Variants in KIF2C observed in about 807,000 individuals in gnomAD.
The protein encoded by KIF2C is kinesin-like protein KIF2C.
KIF2C carries 34 observed loss-of-function variants against 97.4 expected under a neutral mutation model. That is an observed-to-expected ratio of 0.35 (90% confidence interval 0.27 to 0.46). The LOEUF is 0.46. KIF2C is among the 20% of genes least tolerant of loss of function. The pLI is 1.00. For missense variants in KIF2C, 750 were observed against 907.6 expected (o/e 0.83, Z 2.23); for synonymous variants, 313 against 318.2 (o/e 0.98, Z 0.17).
At chr1:44,763,762 G>A (rs566255613) in intron 19 of KIF2C, among the ~76,000 whole-genome samples, 7 of 152,302 alleles carry the variant, frequency 4.6e-5, no homozygotes, top group South Asian at 2.1e-4. Flanking sequence ...CCAGCCAGGC[G>A]CGGTGGCTCA....
Position 44,760,240 on chromosome 1 carries a change from G to A in KIF2C, c.1368-40G>A, listed in dbSNP as rs369655784. 11 of 1,584,506 alleles carry A rather than the reference G, an allele frequency of 6.9e-6. No homozygotes were observed. The African/African-American group carries it at 1.3e-4, about 19-fold the overall frequency. ...TTCTGTGGACTTGGGTGCCATGGGG[G>A]CTGGTGACCACAGAATCTCATAACC... On this transcript the variant is annotated intron_variant, in intron 14 of 20. Transcript: ENST00000372224. The surrounding 1 kb of genome is among the most constrained non-coding windows in gnomAD (Gnocchi z 4.2).
At position 44,759,190 on chromosome 1, in the gene KIF2C, C is replaced by CA. The variant is rs1650006173; in HGVS notation, c.1225-16_1225-15insA. ...GTGCCCAGTGGCCTTAGCCTCATTC[C>CA]CCCTGCCTGGCACAGCTGTTTGACC... On this transcript the variant is annotated splice_polypyrimidine_tract_variant and intron_variant, in intron 13 of 20. Coordinates refer to ENST00000372224, the MANE Select transcript of KIF2C (RefSeq NM_006845.4). 5.0e-6 allele frequency: 8 copies of CA among 1,613,714 alleles called. No individual in the cohort carries two copies. The highest frequency in any genetic ancestry group is 6.8e-6 in the Non-Finnish European group (8 of 1,179,868).
chr1:44,761,085 C>T, intron 16 of KIF2C: 1 of 233,382 alleles, frequency 4.3e-6, no homozygotes, highest in Admixed American at 5.1e-5. Context: ...ATAGAAATAG[C>T]CTGGATCATA....
chr1:44,761,617 AAAG>A (rs1340950604), intron 16 of KIF2C, among the ~76,000 whole-genome samples: 21 of 150,032 alleles, frequency 1.4e-4, no homozygotes, highest in African/African-American at 5.3e-4. Flanking sequence ...CAAAAAAAAA[AAAG>A]AAAAAAGAAA....
intron 7 of KIF2C, 140 bp downstream of exon 7, chr1:44,753,973 T>C: frequency 2.3e-6 from 1 of 438,600 alleles, no homozygotes; most frequent in Non-Finnish European, 4.0e-6. Context: ...TTTTTTTTTT[T>C]TTTTTTTTTT....
chr1:44,759,438 G>C, intron 14 of KIF2C, 90 bp downstream of exon 14: 1 of 1,526,006 alleles, frequency 6.6e-7, no homozygotes, highest in Non-Finnish European at 9.0e-7. Flanking sequence ...TTTACCCAGA[G>C]TGCTGCTTTG....
chr1:44,757,855 C>T (rs1649922022), intron 11 of KIF2C, 53 bp from the exon 12 acceptor site: 2 of 1,569,230 alleles, frequency 1.3e-6, no homozygotes, highest in Non-Finnish European at 1.8e-6. Flanking sequence ...CAGTAGTGCT[C>T]TGCTCTAGGC....
chr1:44,746,436 C>T, intron 2 of KIF2C: 2 of 1,152,168 alleles, frequency 1.7e-6, no homozygotes, highest in South Asian at 4.0e-5. Flanking sequence ...TTTCTGGGCC[C>T]AGAAGAAAAT....
At chr1:44,762,698 G>C (rs201192901) in intron 19 of KIF2C, 40 bp downstream of exon 19, 48 of 1,327,402 alleles carry the variant, frequency 3.6e-5, no homozygotes, top group Non-Finnish European at 3.3e-6. Context: ...GATGCAGCAC[G>C]GCCCTCAGTA....
chr1:44,761,607 C>CAA (rs879757305), intron 16 of KIF2C, among the ~76,000 whole-genome samples: 1 of 116,786 alleles, frequency 8.6e-6, no homozygotes, highest in African/African-American at 3.2e-5. Context: ...GACTCCGTCT[C>CAA]AAAAAAAAAA....
chr1:44,753,911 A>T, intron 7 of KIF2C, 78 bp downstream of exon 7: 1 of 580,630 alleles, frequency 1.7e-6, no homozygotes, highest in Admixed American at 3.5e-5. Context: ...ACAGAGATAC[A>T]GTTGGGCCCC....
intron 13 of KIF2C, among the ~76,000 whole-genome samples, chr1:44,758,725 A>G (rs1649974312): frequency 6.6e-6 from 1 of 152,014 alleles, no homozygotes; most frequent in Admixed American, 6.6e-5. Context: ...AAACACAAAA[A>G]ATTAGCTGGG....
chr1:44,749,358 C>G (rs940383986), intron 4 of KIF2C, among the ~76,000 whole-genome samples: 3 of 151,812 alleles, frequency 2.0e-5, no homozygotes, highest in Non-Finnish European at 4.4e-5. Context: ...CGTTTGAGCC[C>G]GGGGGGGCAG....
At chr1:44,749,079 C>G (rs189061040) in intron 4 of KIF2C, among the ~76,000 whole-genome samples, 1 of 152,096 alleles carries the variant, frequency 6.6e-6, no homozygotes, top group Non-Finnish European at 1.5e-5. Context: ...GGCAGATCAC[C>G]TGAGGTCAGG....
At chr1:44,742,171 G>A (rs1176189061) in intron 2 of KIF2C, among the ~76,000 whole-genome samples, 3 of 151,716 alleles carry the variant, frequency 2.0e-5, no homozygotes, top group Non-Finnish European at 4.4e-5. Flanking sequence ...GTGCAGTGGC[G>A]AGATCTCAGC....
chr1:44,758,137 G>A lies in KIF2C; in HGVS notation c.1221G>A (p.Gly407=). The A allele has an allele frequency of 6.2e-7, 1 of 1,613,710 alleles. No homozygotes were observed. Among genetic ancestry groups the A allele is most frequent in the Non-Finnish European group, 8.5e-7 (1 of 1,179,688 alleles). ...VYVTFFEIYN[G]KLFDLLNKKA... is the part of the protein sequence containing the mutation. ...TGACATTCTTCGAGATCTACAATGG[G>A]AAGGTAGCTGGCAGGAAGCCCCTTG... is the stretch of plus-strand genomic sequence containing the variant. Residue 407 remains glycine (G), a synonymous_variant, in exon 13 of 21, where the codon GGG becomes GGA. Coordinates refer to ENST00000372224, the MANE Select transcript of KIF2C (RefSeq NM_006845.4).
At chr1:44,740,088 C>A in intron 1 of KIF2C, 86 bp downstream of exon 1, 2 of 1,424,980 alleles carry the variant, frequency 1.4e-6, no homozygotes, top group Non-Finnish European at 2.0e-6. Flanking sequence ...CACAGATGGG[C>A]TTTCACTCTC....
At chr1:44,761,833 C>A in intron 16 of KIF2C, 83 bp from the exon 17 acceptor site, 1 of 1,314,168 alleles carries the variant, frequency 7.6e-7, no homozygotes, top group South Asian at 1.2e-5. Context: ...AAGAAACACC[C>A]TGACTGGAGG....
chr1:44,766,057 A>AAAAT (rs953635140), intron 19 of KIF2C, among the ~76,000 whole-genome samples: 2 of 151,372 alleles, frequency 1.3e-5, no homozygotes, highest in Admixed American at 6.6e-5. Flanking sequence ...TCTTAAAGAA[A>AAAAT]AAATAAATAA....
Sources: gnomAD v4.1 joint callset for allele counts (sites outside exome capture counted in the v4.1 genomes callset) on GRCh38, gnomAD v4.1.1 for gene constraint, Gnocchi (gnomAD v3.1) non-coding constraint, MANE v1.5 for transcripts, NCBI Gene and HGNC (gene_info 2026-07-23, HGNC 2026-07-21) for gene names.